MLIP: variants seen among roughly 807,000 people sequenced by gnomAD.
MLIP encodes the protein muscular LMNA interacting protein.
Under a neutral mutation model 84.8 loss-of-function variants are expected in MLIP, and 79 were observed. The observed-to-expected ratio is 0.93, with a 90% CI of 0.78 to 1.12. The LOEUF (loss-of-function observed/expected upper bound fraction) is 1.12. Ranked by LOEUF, MLIP falls within the 50% of genes most tolerant of loss-of-function variation. The probability of loss-of-function intolerance (pLI) is 0.00; values close to 1 mark genes in which losing one functional copy is unlikely to be tolerated. For missense variants in MLIP, 1,257 were observed against 1,160.6 expected (o/e 1.08, Z -1.21); for synonymous variants, 504 against 463.0 (o/e 1.09, Z -1.14).
chr6:54,033,073 A>G (rs1012697180), intron 1 of MLIP, among the ~76,000 whole-genome samples: 11 of 152,178 alleles, frequency 7.2e-5, no homozygotes, highest in Non-Finnish European at 1.2e-4. Context: ...TTAATGTAAC[A>G]TCAGAATTGA....
At chr6:54,023,170 A>AAATAATAATAATAATAAT (rs3064622) in intron 1 of MLIP, among the ~76,000 whole-genome samples, 1 of 103,064 alleles carries the variant, frequency 9.7e-6, no homozygotes, top group Non-Finnish European at 2.6e-5. Context: ...CCATCTCAAA[A>AAATAATAATAATAATAAT]AATAATAATA....
In MLIP at chr6:54,265,880, T is replaced by C. The variant is rs1783656806; in HGVS notation, c.2977-70T>C. On this transcript the variant is annotated intron_variant, in intron 13 of 13. Coordinates refer to ENST00000502396, the MANE Select transcript of MLIP (RefSeq NM_001281747.2). Reference sequence around the variant, plus strand: ...GAGATGCTATGCCCAAATATTAATGTATAATTTTCAGGTGTATATTTTTAA... The same window carrying C: ...GAGATGCTATGCCCAAATATTAATGCATAATTTTCAGGTGTATATTTTTAA... 2.0e-5 allele frequency: 28 copies of C among 1,411,190 alleles called. 1 individual carries two copies. The South Asian group carries it at 2.5e-4, about 13-fold the overall frequency. 87.4% of individuals were successfully genotyped at this position (1,411,190 alleles called of 1,614,324 possible).
At chr6:54,173,226 C>T (rs1775947067) in intron 9 of MLIP, among the ~76,000 whole-genome samples, 1 of 151,556 alleles carries the variant, frequency 6.6e-6, no homozygotes, top group African/African-American at 2.4e-5. Flanking sequence ...AAAACCCAAC[C>T]CAGATTTTCT....
Position 54,215,259 on chromosome 6 carries a change from C to G in MLIP, c.2718+13026C>G, listed in dbSNP as rs534660288. 2.9e-4 allele frequency: 427 copies of G among 1,492,314 alleles called. 1 individual carries two copies. In the African/African-American group the frequency reaches 5.5e-3, roughly 19 times the overall value. 92.4% of individuals were successfully genotyped at this position (1,492,314 alleles called of 1,614,324 possible). A position where few individuals can be genotyped will look rare whatever the true frequency, so the allele number is the denominator to read the frequency against. On this transcript the variant is annotated intron_variant, in intron 11 of 13. Coordinates refer to ENST00000502396, the MANE Select transcript of MLIP (RefSeq NM_001281747.2). ...ACTGTAGCCTTTGACTTTCCTACTTCCTGAAAAAGAGAAAAAGACGATGAT... is the reference window on the plus strand; with the variant it reads ...ACTGTAGCCTTTGACTTTCCTACTTGCTGAAAAAGAGAAAAAGACGATGAT...
At chr6:54,259,532 T>G (rs1166653812) in intron 13 of MLIP, among the ~76,000 whole-genome samples, 1 of 151,844 alleles carries the variant, frequency 6.6e-6, no homozygotes, top group Admixed American at 6.6e-5. Flanking sequence ...GCAAAAGACT[T>G]TGTGAGCCAA....
At chr6:54,019,802 T>G (rs535638425) in intron 1 of MLIP, among the ~76,000 whole-genome samples, 2 of 152,248 alleles carry the variant, frequency 1.3e-5, no homozygotes, top group South Asian at 4.1e-4. Context: ...ATATAGCCCA[T>G]AATAAGACCA....
chr6:54,024,137 T>C (rs752314519), intron 1 of MLIP, among the ~76,000 whole-genome samples: 8 of 152,196 alleles, frequency 5.3e-5, no homozygotes, highest in Non-Finnish European at 1.0e-4. Context: ...TTCAGCCTTC[T>C]CAGCAGCTGG....
At chr6:54,048,244 G>A (rs771244508) in intron 1 of MLIP, among the ~76,000 whole-genome samples, 2 of 152,202 alleles carry the variant, frequency 1.3e-5, no homozygotes, top group Non-Finnish European at 2.9e-5. Flanking sequence ...TGAGGCTAGG[G>A]TTCTGGAAAG....
chr6:54,021,954 G>A (rs1443485809), intron 1 of MLIP, among the ~76,000 whole-genome samples: 1 of 152,150 alleles, frequency 6.6e-6, no homozygotes, highest in African/African-American at 2.4e-5. Flanking sequence ...CATTGATTCT[G>A]CTAGATGACA....
At chr6:54,049,909 A>G (rs1031303567) in intron 1 of MLIP, among the ~76,000 whole-genome samples, 4 of 152,200 alleles carry the variant, frequency 2.6e-5, no homozygotes, top group African/African-American at 9.6e-5. Flanking sequence ...GTAAAACTTT[A>G]TTATACTAAA....
chr6:54,100,136 G>A (rs1261069372), intron 1 of MLIP, among the ~76,000 whole-genome samples: 1 of 152,028 alleles, frequency 6.6e-6, no homozygotes. Flanking sequence ...CTTATCACAT[G>A]GTGCTCATCA....
chr6:54,037,733 G>C (rs1234592667), intron 1 of MLIP, among the ~76,000 whole-genome samples: 1 of 151,912 alleles, frequency 6.6e-6, no homozygotes, highest in Non-Finnish European at 1.5e-5. Flanking sequence ...CTAGAAAAGA[G>C]ATACATGAGT....
At chr6:54,100,305 C>CTT (rs11440108) in intron 1 of MLIP, among the ~76,000 whole-genome samples, 11 of 151,976 alleles carry the variant, frequency 7.2e-5, no homozygotes, top group South Asian at 2.1e-4. Flanking sequence ...ACATAAAGTG[C>CTT]TTTTTTTCTG....
At chr6:54,226,326 C>T (rs1428195154) in intron 11 of MLIP, among the ~76,000 whole-genome samples, 1 of 152,148 alleles carries the variant, frequency 6.6e-6, no homozygotes, top group Admixed American at 6.5e-5. Flanking sequence ...CCGACCCGCA[C>T]TGTCTCTTCT....
In MLIP at chr6:54,137,274, C is replaced by G; in HGVS notation, c.1205C>G (p.Ser402Ter). ...CAAATGTCATCTAGTGGAAATCTTT[C>G]AAAGTCAGGGGTAAAATCCCCGGTG... ...CSQMSSSGNL[S>*]KSGVKSPVPS... Residue 402 changes from serine to a stop codon, truncating the protein, a stop_gained, in exon 4 of 14, where the codon TCA becomes TGA. Transcript: ENST00000502396. LOFTEE classifies it high-confidence loss of function. 2.6e-6 allele frequency: 4 copies of G among 1,536,076 alleles called. No homozygotes were observed. Among genetic ancestry groups the G allele is most frequent in the Non-Finnish European group, 3.5e-6 (4 of 1,146,906 alleles).
At chr6:54,050,104 C>A (rs1047804713) in intron 1 of MLIP, among the ~76,000 whole-genome samples, 1 of 152,066 alleles carries the variant, frequency 6.6e-6, no homozygotes, top group Admixed American at 6.6e-5. Context: ...TATTCATTTT[C>A]TTTTAAAGTA....
intron 11 of MLIP, chr6:54,215,004 A>G: frequency 4.8e-5 from 25 of 517,076 alleles, no homozygotes; most frequent in Non-Finnish European, 7.1e-5. Flanking sequence ...AGGAGACGAT[A>G]TCCCTCCCTC....
intron 3 of MLIP, among the ~76,000 whole-genome samples, chr6:54,131,549 C>T (rs1771382286): frequency 1.3e-5 from 2 of 152,034 alleles, no homozygotes; most frequent in South Asian, 2.1e-4. Flanking sequence ...TCCACCCACA[C>T]TTAAAAGGAA....
At chr6:54,198,019 TC>T (rs1778418701) in intron 10 of MLIP, among the ~76,000 whole-genome samples, 2 of 152,242 alleles carry the variant, frequency 1.3e-5, no homozygotes, top group South Asian at 2.1e-4. Context: ...TTAAAGCCTC[TC>T]CTTCAGTCTG....
Sources: gnomAD v4.1 joint callset for allele counts (sites outside exome capture counted in the v4.1 genomes callset) on GRCh38, gnomAD v4.1.1 for gene constraint, MANE v1.5 for transcripts, NCBI Gene and HGNC (gene_info 2026-07-23, HGNC 2026-07-21) for gene names.